The following JPH2 variants were observed in gnomAD, a reference collection of about 807,000 sequenced individuals.
The protein encoded by JPH2 is junctophilin-2.
In JPH2, 38 loss-of-function variants were observed where a neutral mutation model predicts 55.9. The ratio of observed to expected loss-of-function variants is 0.68; its 90% CI spans 0.52 to 0.89. JPH2 has a LOEUF of 0.89. JPH2 is among the 40% of genes least tolerant of loss of function. JPH2 has a pLI of 0.00. For synonymous variants in JPH2, 480 were observed against 472.4 expected, an observed-to-expected ratio of 1.02 and a Z score of -0.21; for missense variants, 964 against 1,037.6, an observed-to-expected ratio of 0.93 and a Z score of 0.97.
At chr20:44,171,465 G>A (rs79053429) in intron 1 of JPH2, among the ~76,000 whole-genome samples, 2,511 of 152,206 alleles carry the variant, frequency 0.016, 84 homozygotes, top group African/African-American at 0.058. Flanking sequence ...GTGTCTGAAG[G>A]GGTAGCCTAG....
Position 44,146,023 on chromosome 20 carries a change from G to T in JPH2, c.1169+13595C>A, listed in dbSNP as rs1337273080. On this transcript the variant is annotated intron_variant, in intron 2 of 5. Transcript: ENST00000372980. Reference sequence around the variant, plus strand: ...AAGGCCTGGCTCCCCAAAATGCATGGTCACCATTGTTCTTTTTTTTTTTTT... The same window carrying T: ...AAGGCCTGGCTCCCCAAAATGCATGTTCACCATTGTTCTTTTTTTTTTTTT... 2.0e-5 allele frequency among the ~76,000 whole-genome samples: 3 copies of T among 151,538 alleles called. No individual in the cohort carries two copies. In the East Asian group the frequency reaches 5.8e-4, roughly 29 times the overall value.
chr20:44,140,195 G>A (rs1395564482), intron 2 of JPH2, among the ~76,000 whole-genome samples: 1 of 152,052 alleles, frequency 6.6e-6, no homozygotes, highest in African/African-American at 2.4e-5. Context: ...TTTTAATAAA[G>A]GAAAACACCA....
chr20:44,110,213 AACACACACACAT>A lies in JPH2; in HGVS notation c.*3293_*3304del, dbSNP rs2072132546. ...AGCCACCCCTGCCCCCAACTCATCC[AACACACACACAT>A]ACACACACACACACAGACACACCCC... is the stretch of plus-strand genomic sequence containing the variant. On this transcript the variant is annotated 3_prime_UTR_variant, in exon 6 of 6. Transcript: ENST00000372980. 6.6e-6 allele frequency among the ~76,000 whole-genome samples: 1 copy of A among 151,580 alleles called. No individual in the cohort carries two copies. Among genetic ancestry groups the A allele is most frequent in the South Asian group, 2.1e-4 (1 of 4,800 alleles).
rs2072128169 is a variant in JPH2 at position 44,109,639 on chromosome 20, C to T, written c.*3879G>A. Reference sequence around the variant, plus strand: ...TCAGAGTTTTGCACAAAACAAGAACCTAAGAGCTATTTTAATTTCAGCATA... The same window carrying T: ...TCAGAGTTTTGCACAAAACAAGAACTTAAGAGCTATTTTAATTTCAGCATA... On this transcript the variant is annotated 3_prime_UTR_variant, in exon 6 of 6. Transcript: ENST00000372980. Among the ~76,000 whole-genome samples the T allele has an allele frequency of 6.6e-6, 1 of 152,160 alleles. No homozygotes were observed. The highest frequency in any genetic ancestry group is 6.5e-5 in the Admixed American group (1 of 15,280).
chr20:44,130,011 G>T (rs1290109262), intron 2 of JPH2, among the ~76,000 whole-genome samples: 5 of 152,276 alleles, frequency 3.3e-5, no homozygotes, highest in Admixed American at 6.5e-5. Flanking sequence ...AACTGTAAAA[G>T]AATATATCTG....
intron 2 of JPH2, among the ~76,000 whole-genome samples, chr20:44,140,988 T>G (rs964817506): frequency 3.9e-5 from 6 of 152,146 alleles, no homozygotes; most frequent in African/African-American, 1.4e-4. Context: ...TGAATGATGT[T>G]TGTGCCTCTG....
chr20:44,181,379 C>T (rs1053749861), intron 1 of JPH2, among the ~76,000 whole-genome samples: 2 of 152,172 alleles, frequency 1.3e-5, no homozygotes, highest in African/African-American at 2.4e-5. Context: ...ATGTGTATCT[C>T]GCCAACTGAA....
intron 1 of JPH2, among the ~76,000 whole-genome samples, chr20:44,170,936 CCTAT>C (rs1235812391): frequency 6.6e-6 from 1 of 152,172 alleles, no homozygotes; most frequent in Non-Finnish European, 1.5e-5. Flanking sequence ...TGGTCTCCAC[CCTAT>C]CTGTCTAGTC....
chr20:44,182,128 G>T (rs929768141), intron 1 of JPH2, among the ~76,000 whole-genome samples: 1 of 152,158 alleles, frequency 6.6e-6, no homozygotes, highest in African/African-American at 2.4e-5. Flanking sequence ...TTTAAATAAT[G>T]TGGCAGGGCC....
chr20:44,164,672 AAACAAAC>A (rs1243381210), intron 1 of JPH2, among the ~76,000 whole-genome samples: 3 of 5,640 alleles, frequency 5.3e-4, no homozygotes, highest in African/African-American at 1.9e-3. Context: ...AAGCCTCAAA[AAACAAAC>A]AAACAAACAA....
intron 3 of JPH2, among the ~76,000 whole-genome samples, chr20:44,117,104 T>G (rs1422064480): frequency 1.3e-5 from 2 of 151,990 alleles, no homozygotes; most frequent in Admixed American, 1.3e-4. Flanking sequence ...CATAGTGAAA[T>G]GCTGTCTCTA....
At chr20:44,180,786 G>A (rs554489426) in intron 1 of JPH2, among the ~76,000 whole-genome samples, 5 of 152,064 alleles carry the variant, frequency 3.3e-5, no homozygotes, top group Non-Finnish European at 7.3e-5. Context: ...TTGCACGTAT[G>A]TTCACATCAC....
At chr20:44,185,306 T>TA (rs2072824584) in intron 1 of JPH2, among the ~76,000 whole-genome samples, 1 of 151,936 alleles carries the variant, frequency 6.6e-6, no homozygotes, top group African/African-American at 2.4e-5. Flanking sequence ...GACCTATCTT[T>TA]AAAAAATTTA....
intron 1 of JPH2, chr20:44,177,710 G>A: frequency 7.5e-7 from 1 of 1,332,578 alleles, no homozygotes; most frequent in Non-Finnish European, 9.7e-7. Flanking sequence ...TACACTGGCA[G>A]GACTCAAGGC....
Position 44,115,840 on chromosome 20 carries a change from G to A in JPH2, c.1835C>T (p.Pro612Leu), listed in dbSNP as rs762277300. The A allele has an allele frequency of 3.8e-6, 6 of 1,596,064 alleles. No individual in the cohort carries two copies. In the East Asian group the frequency reaches 1.3e-4, roughly 36 times the overall value. The change falls in exon 4 of 6, where the codon CCC (proline) becomes CTC (leucine). Residue 612 changes from proline (P) to leucine (L), a missense_variant. Physicochemically the swap from Pro to Leu is moderately conservative, Grantham distance 98 (BLOSUM62 -3). Coordinates refer to ENST00000372980, the MANE Select transcript of JPH2 (RefSeq NM_020433.5). ...APLQAPTLRG[P>L]EPARETPAKL... Reference sequence around the variant, plus strand: ...GGCGGGGGTCTCGCGTGCAGGCTCGGGGCCTCGGAGCGTGGGGGCCTGCAG... The same window carrying A: ...GGCGGGGGTCTCGCGTGCAGGCTCGAGGCCTCGGAGCGTGGGGGCCTGCAG...
At chr20:44,131,490 A>C (rs1490250891) in intron 2 of JPH2, among the ~76,000 whole-genome samples, 1 of 152,174 alleles carries the variant, frequency 6.6e-6, no homozygotes, top group Non-Finnish European at 1.5e-5. Context: ...ATGTGGGGAC[A>C]ATTTGTTATG....
Position 44,114,609 on chromosome 20 carries a change from T to TGCGC in JPH2, c.*14+169_*14+172dup, listed in dbSNP as rs1555853088. Among the ~76,000 whole-genome samples the TGCGC allele has an allele frequency of 3.4e-3, 487 of 144,158 alleles. 5 individuals carry two copies. Among genetic ancestry groups the TGCGC allele is most frequent in the African/African-American group, 0.011 (430 of 38,828 alleles). 94.6% of individuals were successfully genotyped at this position (144,158 alleles called of 152,430 possible). A position where few individuals can be genotyped will look rare whatever the true frequency, so the allele number is the denominator to read the frequency against. On this transcript the variant is annotated intron_variant, in intron 5 of 5. Coordinates refer to ENST00000372980, the MANE Select transcript of JPH2 (RefSeq NM_020433.5). ...GTGTGTGTGTGTGTGTGTGTGTGTG[T>TGCGC]GCGCTGGTATCAAATCACACTCTAG...
intron 1 of JPH2, among the ~76,000 whole-genome samples, chr20:44,162,127 T>A (rs1372941759): frequency 2.0e-5 from 3 of 152,238 alleles, no homozygotes; most frequent in African/African-American, 7.2e-5. Flanking sequence ...GCAGAAATTC[T>A]GAGGCTTCTT....
chr20:44,139,372 G>A (rs2072439363), intron 2 of JPH2, among the ~76,000 whole-genome samples: 2 of 152,060 alleles, frequency 1.3e-5, no homozygotes, highest in South Asian at 4.2e-4. Context: ...ACCCATGGGT[G>A]GAAATATTGA....
Sources: gnomAD v4.1 joint callset for allele counts (sites outside exome capture counted in the v4.1 genomes callset) on GRCh38, gnomAD v4.1.1 for gene constraint, MANE v1.5 for transcripts, NCBI Gene and HGNC (gene_info 2026-07-23, HGNC 2026-07-21) for gene names.